The following RABEPK variants were observed in gnomAD, a reference collection of about 807,000 sequenced individuals.
RABEPK encodes the protein 40 kDa Rab9 effector protein.
RABEPK carries 27 observed loss-of-function variants against 34.1 expected under a neutral mutation model. That is an observed-to-expected ratio of 0.79 (90% CI 0.58 to 1.09). The LOEUF (loss-of-function observed/expected upper bound fraction) is 1.09, where lower values mean the gene tolerates loss of function less well. Ranked by LOEUF, RABEPK falls within the 50% of genes least tolerant of loss-of-function variation. RABEPK has a pLI of 0.00. For missense variants in RABEPK, 449 were observed against 462.6 expected (o/e 0.97, Z 0.27); for synonymous variants, 172 against 169.2 (o/e 1.02, Z -0.13).
At chr9:125,226,862 T>A (rs1003202133) in intron 5 of RABEPK, among the ~76,000 whole-genome samples, 1 of 130,088 alleles carries the variant, frequency 7.7e-6, no homozygotes, top group Non-Finnish European at 1.6e-5. Context: ...AGACTCTGTC[T>A]GCAAAAAATA....
chr9:125,234,116 C>A lies in RABEPK; in HGVS notation c.*136C>A. On this transcript the variant is annotated 3_prime_UTR_variant, in exon 8 of 8. Transcript: ENST00000373538. ...ACTTTGGTAGGTGAAGAAACTAATGCAAATAATTCTTATGTGCACTAAACC... is the reference window on the plus strand; with the variant it reads ...ACTTTGGTAGGTGAAGAAACTAATGAAAATAATTCTTATGTGCACTAAACC... The A allele has an allele frequency of 1.1e-6, 1 of 932,226 alleles. No individual in the cohort carries two copies. The highest frequency in any genetic ancestry group is 1.6e-6 in the Non-Finnish European group (1 of 612,572). 57.7% of individuals were successfully genotyped at this position (932,226 alleles called of 1,614,324 possible).
chr9:125,204,075 C>T (rs1830068360), intron 2 of RABEPK, among the ~76,000 whole-genome samples: 1 of 150,328 alleles, frequency 6.7e-6, no homozygotes. Context: ...TGGCTCATGC[C>T]TGTAATCCCA....
intron 5 of RABEPK, 104 bp from the exon 6 acceptor site, chr9:125,227,806 G>A (rs532342475): frequency 6.2e-6 from 7 of 1,133,788 alleles, no homozygotes; most frequent in Non-Finnish European, 8.3e-6. Flanking sequence ...CTTCCTGCAT[G>A]GGACAGCTCC....
rs1036217198 is a variant in RABEPK at position 125,222,662 on chromosome 9, C to T, written c.526+1962C>T. On this transcript the variant is annotated intron_variant, in intron 5 of 7. Transcript: ENST00000373538. ...CCCGGAGGCGGAGGTTGCAATGAGC[C>T]GAGATCTTGCCACTGCACTCCAGCC... Among the ~76,000 whole-genome samples the T allele has an allele frequency of 5.7e-5, 8 of 139,928 alleles. No individual in the cohort carries two copies. In the South Asian group the frequency reaches 6.7e-4, roughly 12 times the overall value. The allele number at this position is 139,928 out of a possible 152,430, so 91.8% of individuals were successfully genotyped here. A position where few individuals can be genotyped will look rare whatever the true frequency, so the allele number is the denominator to read the frequency against.
At chr9:125,222,776 A>G (rs1831443703) in intron 5 of RABEPK, among the ~76,000 whole-genome samples, 1 of 151,198 alleles carries the variant, frequency 6.6e-6, no homozygotes, top group Non-Finnish European at 1.5e-5. Context: ...TGCATCCTAT[A>G]TTTTTCACTT....
chr9:125,233,003 G>A (rs956382999), intron 7 of RABEPK, among the ~76,000 whole-genome samples: 4 of 151,370 alleles, frequency 2.6e-5, no homozygotes, highest in Non-Finnish European at 5.9e-5. Context: ...TTGAACCCAG[G>A]AGGCAGAGAG....
chr9:125,210,947 C>T (rs1830553757), intron 3 of RABEPK, among the ~76,000 whole-genome samples: 4 of 146,224 alleles, frequency 2.7e-5, no homozygotes, highest in African/African-American at 1.0e-4. Flanking sequence ...AAGTGATTCT[C>T]CTGGGCCGGG....
chr9:125,211,707 T>C (rs1458325032), intron 3 of RABEPK, among the ~76,000 whole-genome samples: 5 of 152,088 alleles, frequency 3.3e-5, no homozygotes, highest in Non-Finnish European at 7.4e-5. Context: ...CTGGACGAGG[T>C]GTAATCCCCC....
At chr9:125,217,576 TTAAAGAGGGTGA>T (rs1357510724) in intron 4 of RABEPK, among the ~76,000 whole-genome samples, 3 of 152,086 alleles carry the variant, frequency 2.0e-5, no homozygotes, top group African/African-American at 4.8e-5. Flanking sequence ...AATTTTTATA[TTAAAGAGGGTGA>T]TTTTCTATCA....
intron 2 of RABEPK, among the ~76,000 whole-genome samples, chr9:125,204,849 C>A (rs988877715): frequency 2.6e-5 from 4 of 152,074 alleles, no homozygotes; most frequent in African/African-American, 9.7e-5. Flanking sequence ...GAGACAAGTT[C>A]TTCCTCTGTG....
At chr9:125,220,774 A>C (rs1380843941) in intron 5 of RABEPK, 74 bp downstream of exon 5, 30 of 1,472,318 alleles carry the variant, frequency 2.0e-5, no homozygotes, top group Non-Finnish European at 2.6e-5. Context: ...AGGAAGCAGA[A>C]GTTAGAAAAG....
Position 125,233,975 on chromosome 9 carries a change from G to C in RABEPK, c.1114G>C (p.Asp372His), listed in dbSNP as rs753353822. ...TGACGATTGTATTGTGACTGTAGTG[G>C]ACTAATAAAACCCACATTTTTATTA... ...IYDDCIVTVV[D>H] Residue 372 changes from aspartate (D) to histidine (H), a missense_variant, in exon 8 of 8, where the codon GAC (aspartate) becomes CAC (histidine). By Grantham distance (81) the Asp-to-His change is moderately conservative. Coordinates refer to ENST00000373538, the MANE Select transcript of RABEPK (RefSeq NM_005833.4). 1.8e-5 allele frequency: 28 copies of C among 1,599,632 alleles called. No individual in the cohort carries two copies. In the Admixed American group the frequency reaches 4.4e-4, roughly 25 times the overall value.
intron 4 of RABEPK, chr9:125,220,267 G>T (rs1333533033): frequency 4.5e-6 from 6 of 1,319,590 alleles, no homozygotes; most frequent in Admixed American, 7.0e-5. Context: ...CTCCCAAAGT[G>T]CTGGGATTAC....
chr9:125,227,414 G>C (rs1831838198), intron 5 of RABEPK, among the ~76,000 whole-genome samples: 1 of 151,602 alleles, frequency 6.6e-6, no homozygotes, highest in Non-Finnish European at 1.5e-5. Context: ...CAGAGCCTCT[G>C]TAGGACTTTT....
intron 6 of RABEPK, among the ~76,000 whole-genome samples, chr9:125,232,090 G>T (rs976654906): frequency 6.6e-6 from 1 of 151,494 alleles, no homozygotes; most frequent in Admixed American, 6.6e-5. Context: ...GTAGAGACGG[G>T]GTTTCTCCAT....
intron 1 of RABEPK, 90 bp from the exon 2 acceptor site, chr9:125,202,918 C>A: frequency 1.1e-6 from 1 of 899,140 alleles, no homozygotes; most frequent in Non-Finnish European, 1.8e-6. Flanking sequence ...GAAATTAGTA[C>A]ATTCAACAGG....
chr9:125,233,645 C>T (rs775143098), intron 7 of RABEPK, 43 bp from the exon 8 acceptor site: 1 of 1,584,778 alleles, frequency 6.3e-7, no homozygotes, highest in Non-Finnish European at 8.6e-7. Flanking sequence ...CCCGGCCTAT[C>T]TGGAAATTTC....
chr9:125,208,084 T>C (rs964382216), intron 3 of RABEPK, among the ~76,000 whole-genome samples: 2 of 152,024 alleles, frequency 1.3e-5, no homozygotes, highest in Non-Finnish European at 1.5e-5. Context: ...GCCAGGATCA[T>C]GCCACTGTAC....
At chr9:125,216,140 A>G (rs555629906) in intron 4 of RABEPK, among the ~76,000 whole-genome samples, 2 of 152,176 alleles carry the variant, frequency 1.3e-5, no homozygotes, top group African/African-American at 4.8e-5. Context: ...TAAAAATACA[A>G]AAATTAGCCA....
Sources: gnomAD v4.1 joint callset for allele counts (sites outside exome capture counted in the v4.1 genomes callset) on GRCh38, gnomAD v4.1.1 for gene constraint, MANE v1.5 for transcripts, NCBI Gene and HGNC (gene_info 2026-07-23, HGNC 2026-07-21) for gene names.